MPHOSPH8: variants seen among roughly 807,000 people sequenced by gnomAD.
MPHOSPH8 encodes the protein M-phase phosphoprotein 8.
MPHOSPH8 carries 45 observed loss-of-function variants against 87.3 expected under a neutral mutation model. The ratio of observed to expected loss-of-function variants is 0.52; its 90% confidence interval spans 0.41 to 0.66. MPHOSPH8 has a LOEUF of 0.66. Among genes scored for constraint, MPHOSPH8 ranks in the 30% least tolerant of loss-of-function variants. The pLI is 0.00. For synonymous variants in MPHOSPH8, 366 were observed against 376.9 expected, an observed-to-expected ratio of 0.97 and a Z score of 0.33; for missense variants, 883 against 1,020.2, an observed-to-expected ratio of 0.87 and a Z score of 1.83.
chr13:19,633,724 C>T lies in MPHOSPH8; in HGVS notation c.-25C>T. On this transcript the variant is annotated 5_prime_UTR_variant, in exon 1 of 14. Coordinates refer to ENST00000361479, the MANE Select transcript of MPHOSPH8 (RefSeq NM_017520.4). ...GGGGTGTTTGTCGCAGCGGGTTTTC[C>T]TCGGCGGTTTGCGGAGCTGCTAGGA... 5 of 1,567,368 alleles carry T rather than the reference C, an allele frequency of 3.2e-6. No homozygotes were observed. The highest frequency in any genetic ancestry group is 1.2e-5 in the South Asian group (1 of 85,468).
intron 10 of MPHOSPH8, 75 bp downstream of exon 10, chr13:19,666,654 G>A: frequency 7.3e-7 from 1 of 1,369,560 alleles, no homozygotes; most frequent in Non-Finnish European, 9.8e-7. Flanking sequence ...TATAATTGGA[G>A]TGGCCTGTGT....
At chr13:19,642,392 T>A (rs1279753181) in intron 2 of MPHOSPH8, 122 bp downstream of exon 2, 1 of 855,804 alleles carries the variant, frequency 1.2e-6, no homozygotes, top group South Asian at 2.8e-5. Flanking sequence ...TTAGTGTAAA[T>A]TCCATGTAGC....
Position 19,633,766 on chromosome 13 carries a change from G to A in MPHOSPH8, c.18G>A (p.Glu6=). Reference sequence around the variant, plus strand: ...CTGCTAGGATGGAGCAGGTTGCGGAGGGAGCAAGGGTGACCGCAGTCCCTG... The same window carrying A: ...CTGCTAGGATGGAGCAGGTTGCGGAAGGAGCAAGGGTGACCGCAGTCCCTG... MEQVA[E]GARVTAVPVS... The change falls in exon 1 of 14, where the codon GAG becomes GAA. Residue 6 remains glutamate (E), a synonymous_variant. Transcript: ENST00000361479. 6.2e-7 allele frequency: 1 copy of A among 1,600,344 alleles called. No homozygotes were observed. The highest frequency in any genetic ancestry group is 2.2e-5 in the East Asian group (1 of 44,506).
Position 19,642,193 on chromosome 13 carries a change from G to T in MPHOSPH8, c.292G>T (p.Asp98Tyr). 1 of 1,612,566 alleles carries T rather than the reference G, an allele frequency of 6.2e-7. No homozygotes were observed. Among genetic ancestry groups the T allele is most frequent in the Non-Finnish European group, 8.5e-7 (1 of 1,179,448 alleles). Reference sequence around the variant, plus strand: ...CTGGGAGCCCGAGATTCACCTGGAGGACTGTAAAGAAGTGCTTCTTGAATT... The same window carrying T: ...CTGGGAGCCCGAGATTCACCTGGAGTACTGTAAAGAAGTGCTTCTTGAATT... ...DTWEPEIHLE[D>Y]CKEVLLEFRK... The change falls in exon 2 of 14, where the codon GAC becomes TAC. Residue 98 changes from aspartate to tyrosine, a missense_variant. By Grantham distance (160) the Asp-to-Tyr change is radical (BLOSUM62 -3). Around this residue, in one of 3 missense-constraint regions of MPHOSPH8, gnomAD observed 39 missense variants for 82.4 expected, o/e 0.47. Transcript: ENST00000361479.
chr13:19,665,459 C>T (rs1258109984), intron 9 of MPHOSPH8, among the ~76,000 whole-genome samples: 2 of 152,206 alleles, frequency 1.3e-5, no homozygotes, highest in African/African-American at 2.4e-5. Context: ...GCCTCTCACC[C>T]TCCCCGTGGC....
intron 1 of MPHOSPH8, among the ~76,000 whole-genome samples, chr13:19,636,659 A>G (rs1874025303): frequency 6.6e-6 from 1 of 151,994 alleles, no homozygotes; most frequent in South Asian, 2.1e-4. Context: ...AATTTTTTAT[A>G]GAGATGGGGT....
intron 5 of MPHOSPH8, among the ~76,000 whole-genome samples, chr13:19,657,765 G>A (rs749755995): frequency 3.9e-5 from 6 of 152,126 alleles, no homozygotes; most frequent in Non-Finnish European, 7.3e-5. Flanking sequence ...TATTATCTCA[G>A]TTCATAAAGA....
rs867273074 is a variant in MPHOSPH8, at chr13:19,646,442, G to C, written c.370-1G>C. 6.8e-7 allele frequency: 1 copy of C among 1,465,854 alleles called. No individual in the cohort carries two copies. The highest frequency in any genetic ancestry group is 1.4e-5 in the African/African-American group (1 of 69,486). The allele number at this position is 1,465,854 out of a possible 1,614,324, so 90.8% of individuals were successfully genotyped here. Reference sequence around the variant, plus strand: ...ATTTTAATCTGTTTTGTATTTTATAGAGACTATCCTTAAATAACGACATAT... The same window carrying C: ...ATTTTAATCTGTTTTGTATTTTATACAGACTATCCTTAAATAACGACATAT... On this transcript the variant is annotated splice_acceptor_variant, in intron 2 of 13. Coordinates refer to ENST00000361479, the MANE Select transcript of MPHOSPH8 (RefSeq NM_017520.4). LOFTEE classifies it high-confidence loss of function.
At chr13:19,642,439 G>A (rs1874347491) in intron 2 of MPHOSPH8, among the ~76,000 whole-genome samples, 169 bp downstream of exon 2, 2 of 152,024 alleles carry the variant, frequency 1.3e-5, no homozygotes, top group Non-Finnish European at 1.5e-5. Flanking sequence ...TTTTTGCTGG[G>A]TTCTTCTTTC....
chr13:19,658,813 C>T (rs1328771102), intron 5 of MPHOSPH8, among the ~76,000 whole-genome samples, 182 bp from the exon 6 acceptor site: 2 of 152,122 alleles, frequency 1.3e-5, no homozygotes, highest in African/African-American at 2.4e-5. Context: ...AAATGTGGAT[C>T]GTTCATATTA....
At chr13:19,665,952 T>C (rs1486962773) in intron 9 of MPHOSPH8, among the ~76,000 whole-genome samples, 1 of 152,158 alleles carries the variant, frequency 6.6e-6, no homozygotes, top group Non-Finnish European at 1.5e-5. Flanking sequence ...CGAGGGTGTT[T>C]TGTGGTCCTG....
At chr13:19,645,783 C>G (rs1593472043) in intron 2 of MPHOSPH8, among the ~76,000 whole-genome samples, 1 of 150,684 alleles carries the variant, frequency 6.6e-6, no homozygotes, top group Non-Finnish European at 1.5e-5. Context: ...CATCCCTTCT[C>G]TCTACCCCCA....
In MPHOSPH8 at chr13:19,672,916, T is replaced by TG. The variant is rs1876217077; in HGVS notation, c.*1045dup. 4 of 362,070 alleles carry TG rather than the reference T, an allele frequency of 1.1e-5. No individual in the cohort carries two copies. The highest frequency in any genetic ancestry group is 1.6e-5 in the Non-Finnish European group (3 of 187,122). The allele number at this position is 362,070 out of a possible 1,614,324, so 22.4% of individuals were successfully genotyped here. A position where few individuals can be genotyped will look rare whatever the true frequency, so the allele number is the denominator to read the frequency against. Reference sequence around the variant, plus strand: ...GAGTTCAAGACCAGCCTGGGTAACATGGGGTGGAACAAGCCTGTAGTCCCA... The same window carrying TG: ...GAGTTCAAGACCAGCCTGGGTAACATGGGGGTGGAACAAGCCTGTAGTCCCA... On this transcript the variant is annotated 3_prime_UTR_variant, in exon 14 of 14. Transcript: ENST00000361479.
intron 2 of MPHOSPH8, among the ~76,000 whole-genome samples, chr13:19,646,062 T>A (rs1874546856): frequency 6.6e-6 from 1 of 152,128 alleles, no homozygotes; most frequent in Admixed American, 6.5e-5. Flanking sequence ...CGTTTTGTAT[T>A]TGCATTGGTA....
intron 5 of MPHOSPH8, among the ~76,000 whole-genome samples, chr13:19,654,966 T>C (rs1333240957): frequency 6.7e-6 from 1 of 148,512 alleles, no homozygotes; most frequent in Non-Finnish European, 1.5e-5. Flanking sequence ...AAAAGAAAAA[T>C]GACAGGCCAA....
Position 19,663,033 on chromosome 13 carries a change from T to A in MPHOSPH8, c.1933-7T>A. On this transcript the variant is annotated splice_region_variant and splice_polypyrimidine_tract_variant and intron_variant, in intron 8 of 13. Coordinates refer to ENST00000361479, the MANE Select transcript of MPHOSPH8 (RefSeq NM_017520.4). ...GAAATTAAATTTGCCTTTTTTTCTT[T>A]TCATAGAACTTTTTAACAACAGTGG... 2 of 1,599,800 alleles carry A rather than the reference T, an allele frequency of 1.3e-6. No homozygotes were observed. The highest frequency in any genetic ancestry group is 1.7e-6 in the Non-Finnish European group (2 of 1,172,652).
At position 19,670,341 on chromosome 13, in the gene MPHOSPH8, A is replaced by T. The variant is rs771489372; in HGVS notation, c.2435A>T (p.Lys812Ile). The T allele has an allele frequency of 6.2e-7, 1 of 1,614,072 alleles. No individual in the cohort carries two copies. The highest frequency in any genetic ancestry group is 8.5e-7 in the Non-Finnish European group (1 of 1,179,946). The change falls in exon 12 of 14, where the codon AAA (lysine) becomes ATA (isoleucine). Residue 812 changes from lysine (K) to isoleucine (I), a missense_variant. This residue lies in a region of MPHOSPH8 where 741 missense variants were observed against 841.5 expected (regional missense o/e 0.88). Coordinates refer to ENST00000361479, the MANE Select transcript of MPHOSPH8 (RefSeq NM_017520.4). Reference sequence around the variant, plus strand: ...GTACAAGCTGTAGTTCTGAATGATAAATTTCAGCTTCCTGTTTTTCTGGTA... The same window carrying T: ...GTACAAGCTGTAGTTCTGAATGATATATTTCAGCTTCCTGTTTTTCTGGTA... The part of the protein sequence containing the change: ...CSVQAVVLND[K>I]FQLPVFLDSH...
intron 1 of MPHOSPH8, among the ~76,000 whole-genome samples, chr13:19,636,778 A>G (rs1375377065): frequency 2.0e-5 from 3 of 152,062 alleles, no homozygotes; most frequent in Non-Finnish European, 4.4e-5. Flanking sequence ...TGCCAGGCCA[A>G]TTTTTTAATT....
chr13:19,653,961 G>A (rs771595835), intron 5 of MPHOSPH8, among the ~76,000 whole-genome samples: 1 of 152,150 alleles, frequency 6.6e-6, no homozygotes, highest in Non-Finnish European at 1.5e-5. Flanking sequence ...CGAGGAGGAT[G>A]GAACCAAGTT....
Sources: allele counts gnomAD v4.1 joint callset (sites outside exome capture counted in the v4.1 genomes callset), GRCh38; gene constraint gnomAD v4.1.1; regional missense constraint gnomAD v4.1.1; transcripts MANE v1.5; gene names NCBI Gene and HGNC (gene_info 2026-07-23, HGNC 2026-07-21).